Variants in ANHX observed in about 807,000 individuals in gnomAD.
ANHX encodes the protein anomalous homeobox, also known as anomalous homeobox protein.
ANHX carries 20 observed loss-of-function variants against 38.9 expected under a neutral mutation model. The ratio of observed to expected loss-of-function variants is 0.51; its 90% CI spans 0.36 to 0.75. ANHX has a LOEUF of 0.75. ANHX is among the 30% of genes least tolerant of loss of function. The pLI is 0.00. For synonymous variants in ANHX, 185 were observed against 203.1 expected (o/e 0.91, Z 0.76); for missense variants, 475 against 493.1 (o/e 0.96, Z 0.35).
chr12:133,234,035 C>A (rs1165673787), intron 2 of ANHX, 73 bp downstream of exon 2: 3 of 1,490,936 alleles, frequency 2.0e-6, no homozygotes, highest in Non-Finnish European at 2.7e-6. Flanking sequence ...TGCTGCAGTG[C>A]CGGAGATGGG....
At chr12:133,222,547 C>T (rs147147384) in intron 7 of ANHX, among the ~76,000 whole-genome samples, 4 of 152,152 alleles carry the variant, frequency 2.6e-5, no homozygotes, top group African/African-American at 9.7e-5. Context: ...TGTGAAGACA[C>T]CCATTGACCG....
At chr12:133,226,871 G>A (rs1957196358) in intron 5 of ANHX, 65 bp downstream of exon 5, 1 of 1,410,340 alleles carries the variant, frequency 7.1e-7, no homozygotes, top group Non-Finnish European at 9.4e-7. Context: ...TGACTACCTA[G>A]GCCTGGCCCT....
intron 4 of ANHX, 36 bp downstream of exon 4, chr12:133,227,788 G>C: frequency 6.5e-7 from 1 of 1,533,884 alleles, no homozygotes; most frequent in African/African-American, 1.4e-5. Context: ...GCACCAGGCA[G>C]GGACCCCCTG....
chr12:133,221,286 C>T lies in ANHX; in HGVS notation c.1199G>A (p.Ser400Asn). The T allele has an allele frequency of 6.5e-7, 1 of 1,536,066 alleles. No homozygotes were observed. The highest frequency in any genetic ancestry group is 8.7e-7 in the Non-Finnish European group (1 of 1,146,900). ...GCCCACCCGTAGCTCTGTCCGTCCA[C>T]TGCTTGTGCCCAGACCCTCCTCCAA... ...VQLEEGLGTSSGRTELRVGSF... is the reference protein window; with the variant it reads ...VQLEEGLGTSNGRTELRVGSF... Residue 400 changes from serine to asparagine, a missense_variant, in exon 8 of 10, where the codon AGT (serine) becomes AAT (asparagine). Coordinates refer to ENST00000545940, the MANE Select transcript of ANHX (RefSeq NM_001372060.1). The surrounding 1 kb of genome is among the most constrained non-coding windows in gnomAD (Gnocchi z 4.1).
intron 8 of ANHX, among the ~76,000 whole-genome samples, chr12:133,219,725 C>T (rs1042385127): frequency 3.9e-5 from 6 of 152,108 alleles, no homozygotes; most frequent in Admixed American, 2.6e-4. Flanking sequence ...GCAAGGTCAA[C>T]GCATACTAGC....
Position 133,218,897 on chromosome 12 carries a change from G to C in ANHX, c.1440C>G (p.Ser480Arg). 3 of 1,528,580 alleles carry C rather than the reference G, an allele frequency of 2.0e-6. No individual in the cohort carries two copies. The highest frequency in any genetic ancestry group is 2.6e-6 in the Non-Finnish European group (3 of 1,141,654). The allele number at this position is 1,528,580 out of a possible 1,614,324, so 94.7% of individuals were successfully genotyped here. A position where few individuals can be genotyped will look rare whatever the true frequency, so the allele number is the denominator to read the frequency against. Residue 480 changes from serine (S) to arginine (R), a missense_variant, in exon 10 of 10, where the codon AGC (serine) becomes AGG (arginine). Coordinates refer to ENST00000545940, the MANE Select transcript of ANHX (RefSeq NM_001372060.1). The part of the protein sequence containing the change: ...GARMLLEFSG[S>R]SLG ...TCCTGGGGATAGCTCAGCCCAGGCT[G>C]CTCCCTGAAAACTCAAGGAGCATCC...
Position 133,226,485 on chromosome 12 carries a change from C to T in ANHX, c.719-47G>A, listed in dbSNP as rs546548085. 9 of 1,503,416 alleles carry T rather than the reference C, an allele frequency of 6.0e-6. No homozygotes were observed. In the East Asian group the frequency reaches 1.2e-4, roughly 21 times the overall value. The allele number at this position is 1,503,416 out of a possible 1,614,324, so 93.1% of individuals were successfully genotyped here. On this transcript the variant is annotated intron_variant, in intron 5 of 9. Coordinates refer to ENST00000545940, the MANE Select transcript of ANHX (RefSeq NM_001372060.1). ...GGGAGACTTAGTGAGGCTCTGGTTC[C>T]CAACCTCCTTCCCATCAGGTATGAG...
At chr12:133,219,918 GA>G (rs748834619) in intron 8 of ANHX, among the ~76,000 whole-genome samples, 2 of 152,226 alleles carry the variant, frequency 1.3e-5, no homozygotes, top group African/African-American at 2.4e-5. Flanking sequence ...CCCAGAGAGA[GA>G]AAGAACTGTT....
intron 8 of ANHX, among the ~76,000 whole-genome samples, chr12:133,219,713 C>T (rs1354901164): frequency 6.6e-6 from 1 of 152,148 alleles, no homozygotes. Flanking sequence ...GGTGGTTCTT[C>T]AGCAAGGTCA....
Position 133,234,180 on chromosome 12 carries a change from T to G in ANHX, c.177A>C (p.Ala59=). ...SQLRLHLLDN[A]DVALACARVL... ...CACGGGCGCACGCCAGGGCCACATC[T>G]GCGTTGTCCAGGAGATGCAGGCGGA... is the stretch of plus-strand genomic sequence containing the variant. The change falls in exon 2 of 10, where the codon GCA becomes GCC. Residue 59 remains alanine (A), a synonymous_variant. Coordinates refer to ENST00000545940, the MANE Select transcript of ANHX (RefSeq NM_001372060.1). 6.5e-7 allele frequency: 1 copy of G among 1,536,154 alleles called. No homozygotes were observed. Among genetic ancestry groups the G allele is most frequent in the Non-Finnish European group, 8.7e-7 (1 of 1,146,902 alleles).
intron 9 of ANHX, 97 bp from the exon 10 acceptor site, chr12:133,219,068 G>T: frequency 8.4e-7 from 1 of 1,195,590 alleles, no homozygotes; most frequent in Non-Finnish European, 1.2e-6. Flanking sequence ...AAGACCCCCC[G>T]CAACCAGTCT....
chr12:133,226,493 C>A (rs764753073), intron 5 of ANHX, 55 bp from the exon 6 acceptor site: 26 of 1,496,900 alleles, frequency 1.7e-5, no homozygotes, highest in African/African-American at 2.8e-5. Flanking sequence ...TCCCAACCTC[C>A]TTCCCATCAG....
Position 133,227,076 on chromosome 12 carries a change from C to T in ANHX, c.578G>A (p.Arg193Lys). ...NWFANYRRRQ[R>K]ALPQHMKPAQ... ...TGGCTTCATGTGCTGGGGAAGGGCTCTTTGGCGGCGCCGGTAATTGGCAAA... is the reference window on the plus strand; with the variant it reads ...TGGCTTCATGTGCTGGGGAAGGGCTTTTTGGCGGCGCCGGTAATTGGCAAA... Residue 193 changes from arginine to lysine, a missense_variant, in exon 5 of 10, where the codon AGA (arginine) becomes AAA (lysine). Arg to Lys is a conservative substitution (Grantham distance 26, BLOSUM62 2). Transcript: ENST00000545940. The T allele has an allele frequency of 6.5e-7, 1 of 1,536,104 alleles. No individual in the cohort carries two copies. The highest frequency in any genetic ancestry group is 8.7e-7 in the Non-Finnish European group (1 of 1,146,886).
intron 7 of ANHX, among the ~76,000 whole-genome samples, chr12:133,222,901 C>T (rs1319387944): frequency 3.3e-5 from 5 of 152,188 alleles, no homozygotes; most frequent in Admixed American, 6.5e-5. Context: ...TTAAGATATA[C>T]AGCAGTTGGC....
chr12:133,221,292 G>A lies in ANHX; in HGVS notation c.1193C>T (p.Thr398Ile), dbSNP rs1957105297. Residue 398 changes from threonine to isoleucine, a missense_variant, in exon 8 of 10, where the codon ACA (threonine) becomes ATA (isoleucine). By Grantham distance (89) the Thr-to-Ile change is moderately conservative. Coordinates refer to ENST00000545940, the MANE Select transcript of ANHX (RefSeq NM_001372060.1). This position sits in a 1 kb window ranked among gnomAD's most constrained non-coding sequence, Gnocchi z 4.1. ...QSVQLEEGLGTSSGRTELRVG... is the reference protein window; with the variant it reads ...QSVQLEEGLGISSGRTELRVG... The stretch of plus-strand genomic sequence containing the variant: ...CCGTAGCTCTGTCCGTCCACTGCTT[G>A]TGCCCAGACCCTCCTCCAATTGCAC... The A allele has an allele frequency of 2.0e-6, 3 of 1,535,898 alleles. No homozygotes were observed. Among genetic ancestry groups the A allele is most frequent in the Non-Finnish European group, 2.6e-6 (3 of 1,146,904 alleles).
At chr12:133,227,481 C>G (rs1237886651) in intron 4 of ANHX, among the ~76,000 whole-genome samples, 1 of 152,226 alleles carries the variant, frequency 6.6e-6, no homozygotes, top group East Asian at 1.9e-4. Flanking sequence ...GCCTGCAGAA[C>G]CACACTGCCT....
chr12:133,234,420 C>T (rs946990871), intron 1 of ANHX, 42 bp from the exon 2 acceptor site: 16 of 1,490,902 alleles, frequency 1.1e-5, no homozygotes, highest in African/African-American at 4.2e-5. Context: ...CCACTGACCA[C>T]GTCCTTTCTG....
intron 3 of ANHX, among the ~76,000 whole-genome samples, chr12:133,230,715 C>G (rs1163201634): frequency 3.3e-5 from 5 of 152,020 alleles, no homozygotes; most frequent in African/African-American, 9.7e-5. Context: ...GAGTTGTGAC[C>G]GCCCCACTGC....
At chr12:133,234,919 C>T (rs148601451) in intron 1 of ANHX, 116,964 of 154,922 alleles carry the variant, frequency 0.75, 45,167 homozygotes, top group African/African-American at 0.91. Flanking sequence ...ACAGAAAACC[C>T]TCCCCAATCG....
Sources: gnomAD v4.1 joint callset for allele counts (sites outside exome capture counted in the v4.1 genomes callset) on GRCh38, gnomAD v4.1.1 for gene constraint, Gnocchi (gnomAD v3.1) non-coding constraint, MANE v1.5 for transcripts, NCBI Gene and HGNC (gene_info 2026-07-23, HGNC 2026-07-21) for gene names.